XPO6: variants seen among roughly 807,000 people sequenced by gnomAD.
XPO6 encodes the protein exportin 6.
A neutral mutation model predicts 130.0 loss-of-function variants in XPO6; 3 were observed. The observed-to-expected ratio is 0.02, with a 90% CI of 0.01 to 0.06. XPO6 has a LOEUF of 0.06. Ranked by LOEUF, XPO6 falls within the 10% of genes least tolerant of loss-of-function variation. The pLI, the probability that XPO6 is intolerant of heterozygous loss-of-function variation, is 1.00. For missense variants in XPO6, 970 were observed against 1,393.0 expected (o/e 0.70, Z 4.83); for synonymous variants, 524 against 548.9 (o/e 0.95, Z 0.63).
At chr16:28,112,734 A>G (rs1252167148) in intron 16 of XPO6, among the ~76,000 whole-genome samples, 170 bp downstream of exon 16, 1 of 152,266 alleles carries the variant, frequency 6.6e-6, no homozygotes, top group African/African-American at 2.4e-5. Flanking sequence ...TAGAATGGGC[A>G]CGATGAGAAT....
chr16:28,211,007 G>C (rs1310327128), intron 1 of XPO6, among the ~76,000 whole-genome samples: 1 of 152,242 alleles, frequency 6.6e-6, no homozygotes, highest in South Asian at 2.1e-4. Flanking sequence ...TCCGAACAGA[G>C]GGCTGGTGTG....
chr16:28,111,838 T>C lies in XPO6; in HGVS notation c.2320A>G (p.Arg774Gly). The change falls in exon 17 of 24, where the codon AGA (arginine) becomes GGA (glycine). Residue 774 changes from arginine (R) to glycine (G), a missense_variant. Arg to Gly is a moderately radical substitution (Grantham distance 125). Coordinates refer to ENST00000304658, the MANE Select transcript of XPO6 (RefSeq NM_015171.4). ...NLKPSAVAPQ[R>G]KMPLDDTKLI... ...TTACTGTCATCCAGTGGCATCTTTC[T>C]CTGTGGGGCAACAGCACTGGGCTTC... 6.2e-7 allele frequency: 1 copy of C among 1,614,092 alleles called. No individual in the cohort carries two copies. Among genetic ancestry groups the C allele is most frequent in the Non-Finnish European group, 8.5e-7 (1 of 1,179,986 alleles).
At chr16:28,125,944 A>T in intron 12 of XPO6, 96 bp from the exon 13 acceptor site, 1 of 1,489,174 alleles carries the variant, frequency 6.7e-7, no homozygotes, top group Admixed American at 2.0e-5. Flanking sequence ...CAGCAAAACC[A>T]GCAGCAAAAC....
intron 1 of XPO6, among the ~76,000 whole-genome samples, chr16:28,198,254 T>C (rs375595894): frequency 2.8e-4 from 42 of 151,794 alleles, no homozygotes; most frequent in African/African-American, 9.2e-4. Context: ...CTCAACCATA[T>C]TGAAAAAGTA....
chr16:28,204,734 A>G (rs146507808), intron 1 of XPO6, among the ~76,000 whole-genome samples: 137 of 152,288 alleles, frequency 9.0e-4, no homozygotes, highest in African/African-American at 3.0e-3. Context: ...AGGAAAACCA[A>G]GAACACACCT....
At chr16:28,174,921 T>C (rs765038554) in intron 4 of XPO6, among the ~76,000 whole-genome samples, 5 of 152,204 alleles carry the variant, frequency 3.3e-5, no homozygotes, top group Non-Finnish European at 7.3e-5. Flanking sequence ...ATCTCCCTCG[T>C]AGCTTTTAGG....
chr16:28,123,146 C>T (rs1425160359), intron 13 of XPO6, among the ~76,000 whole-genome samples: 1 of 152,108 alleles, frequency 6.6e-6, no homozygotes, highest in East Asian at 1.9e-4. Flanking sequence ...GCTCTGTCAA[C>T]CAGGCCAGAG....
Position 28,186,374 on chromosome 16 carries a change from C to CTTTTTTTTTTTTTT in XPO6, c.4-5357_4-5344dup, listed in dbSNP as rs60754642. 7.4e-4 allele frequency among the ~76,000 whole-genome samples: 60 copies of CTTTTTTTTTTTTTT among 81,424 alleles called. 4 individuals are homozygous for CTTTTTTTTTTTTTT. The highest frequency in any genetic ancestry group is 1.2e-3 in the African/African-American group (19 of 15,256). The allele number at this position is 81,424 out of a possible 152,430, so 53.4% of individuals were successfully genotyped here. A position where few individuals can be genotyped will look rare whatever the true frequency, so the allele number is the denominator to read the frequency against. On this transcript the variant is annotated intron_variant, in intron 1 of 23. Transcript: ENST00000304658. ...TATAGATTTTTCTGCCCCAGTTATT[C>CTTTTTTTTTTTTTT]TTTTTTTTTTTTTTTTTGCTAAAGA...
chr16:28,137,123 C>A (rs1235055100), intron 9 of XPO6, among the ~76,000 whole-genome samples: 1 of 152,232 alleles, frequency 6.6e-6, no homozygotes, highest in Non-Finnish European at 1.5e-5. Flanking sequence ...TAGTATCGTG[C>A]ACCCTCAGAG....
chr16:28,161,168 C>A (rs1428960527), intron 6 of XPO6, among the ~76,000 whole-genome samples: 2 of 152,174 alleles, frequency 1.3e-5, no homozygotes, highest in African/African-American at 4.8e-5. Context: ...GAAGGGTTAA[C>A]TGCAATGTGG....
intron 1 of XPO6, among the ~76,000 whole-genome samples, chr16:28,206,167 C>CAT (rs762810221): frequency 1.3e-5 from 2 of 149,402 alleles, no homozygotes; most frequent in African/African-American, 2.5e-5. Flanking sequence ...CACACACACA[C>CAT]ATATTAACTA....
chr16:28,148,958 C>T (rs879617237), intron 8 of XPO6, among the ~76,000 whole-genome samples: 192 of 151,382 alleles, frequency 1.3e-3, no homozygotes, highest in African/African-American at 4.4e-3. Flanking sequence ...GGTAGAACTG[C>T]TTGAACCCAG....
intron 18 of XPO6, 126 bp downstream of exon 18, chr16:28,107,396 G>A (rs888139746): frequency 6.3e-5 from 71 of 1,124,756 alleles, no homozygotes; most frequent in Middle Eastern, 3.1e-4. Flanking sequence ...CCTCAGTACC[G>A]GGTTTCGTTG....
chr16:28,134,524 A>C (rs1335923690), intron 10 of XPO6, among the ~76,000 whole-genome samples: 1 of 152,212 alleles, frequency 6.6e-6, no homozygotes, highest in African/African-American at 2.4e-5. Context: ...AATCTCCTCC[A>C]TGCCCAAGGT....
At chr16:28,211,144 C>G (rs1363447054) in intron 1 of XPO6, among the ~76,000 whole-genome samples, 1 of 152,204 alleles carries the variant, frequency 6.6e-6, no homozygotes, top group Non-Finnish European at 1.5e-5. Flanking sequence ...AGGGTTGTGC[C>G]TGCTGCGCTC....
In XPO6 at chr16:28,153,016, C is replaced by T. The variant is rs76754384; in HGVS notation, c.1098-231G>A. On this transcript the variant is annotated intron_variant, in intron 7 of 23. Transcript: ENST00000304658. ...AATCCTCAGACACTGTCTGCTAAGG[C>T]TTCTTATAATCTAGTGCGCTCACAT... 42 of 1,167,152 alleles carry T rather than the reference C, an allele frequency of 3.6e-5. No homozygotes were observed. The East Asian group carries it at 2.0e-3, about 55-fold the overall frequency. The allele number at this position is 1,167,152 out of a possible 1,614,324, so 72.3% of individuals were successfully genotyped here.
chr16:28,125,856 A>G lies in XPO6; in HGVS notation c.1607-8T>C. The G allele has an allele frequency of 6.2e-7, 1 of 1,611,720 alleles. No individual in the cohort carries two copies. Among genetic ancestry groups the G allele is most frequent in the Non-Finnish European group, 8.5e-7 (1 of 1,178,906 alleles). The stretch of plus-strand genomic sequence containing the variant: ...TGATGTTCAACCTGTGTCCTGGAAC[A>G]CAACACGCCAGACAGTTTTTCACAG... On this transcript the variant is annotated splice_region_variant and splice_polypyrimidine_tract_variant and intron_variant, in intron 12 of 23. Coordinates refer to ENST00000304658, the MANE Select transcript of XPO6 (RefSeq NM_015171.4).
At chr16:28,185,020 A>T (rs2043672468) in intron 1 of XPO6, among the ~76,000 whole-genome samples, 1 of 152,220 alleles carries the variant, frequency 6.6e-6, no homozygotes, top group Non-Finnish European at 1.5e-5. Flanking sequence ...AAAAGAACCC[A>T]AATATCCGTC....
At chr16:28,133,706 T>C (rs1353925808) in intron 11 of XPO6, 135 bp downstream of exon 11, 7 of 762,636 alleles carry the variant, frequency 9.2e-6, no homozygotes, top group African/African-American at 5.3e-5. Context: ...GCATCACTTA[T>C]GGTAATTATT....
Sources: allele counts gnomAD v4.1 joint callset (sites outside exome capture counted in the v4.1 genomes callset), GRCh38; gene constraint gnomAD v4.1.1; transcripts MANE v1.5; gene names NCBI Gene and HGNC (gene_info 2026-07-23, HGNC 2026-07-21).